The following PCSK1 variants were observed in gnomAD, a reference collection of about 807,000 sequenced individuals.
The protein encoded by PCSK1 is proprotein convertase subtilisin/kexin type 1.
Under a neutral mutation model 90.6 loss-of-function variants are expected in PCSK1, and 56 were observed. The observed-to-expected ratio is 0.62, with a 90% confidence interval of 0.50 to 0.77. PCSK1 has a LOEUF of 0.77. PCSK1 is among the 30% of genes least tolerant of loss of function. The probability of loss-of-function intolerance (pLI) is 0.00; values close to 1 mark genes in which losing one functional copy is unlikely to be tolerated. For missense variants in PCSK1, 801 were observed against 932.6 expected, an observed-to-expected ratio of 0.86 and a Z score of 1.84; for synonymous variants, 348 against 342.4, an observed-to-expected ratio of 1.02 and a Z score of -0.18.
rs2112455513 is a variant in PCSK1 at position 96,432,967 on chromosome 5, TTGCACTGTTCAGTG to T, written c.62_75del (p.Ala21GlufsTer9). 6.2e-7 allele frequency: 1 copy of T among 1,614,138 alleles called. No homozygotes were observed. Among genetic ancestry groups the T allele is most frequent in the South Asian group, 1.1e-5 (1 of 91,082 alleles). On this transcript the variant is annotated frameshift_variant, in exon 1 of 14. Coordinates refer to ENST00000311106, the MANE Select transcript of PCSK1 (RefSeq NM_000439.5). LOFTEE classifies it high-confidence loss of function. ...TCATTGACAAATTGCCTTTTCGCTTTTGCACTGTTCAGTGCACACCAAGCGCAAAAGAGGACGAA... is the reference window on the plus strand; with the variant it reads ...TCATTGACAAATTGCCTTTTCGCTTTCACACCAAGCGCAAAAGAGGACGAA...
intron 6 of PCSK1, among the ~76,000 whole-genome samples, chr5:96,412,757 T>TTTTTTTTTG (rs1554058744): frequency 6.4e-5 from 9 of 141,670 alleles, no homozygotes; most frequent in African/African-American, 2.6e-4. Flanking sequence ...GTGATGTTTT[T>TTTTTTTTTG]TTTTTTTTTT....
Position 96,400,199 on chromosome 5 carries a change from T to A in PCSK1, c.1197-13A>T, listed in dbSNP as rs759360173. On this transcript the variant is annotated splice_polypyrimidine_tract_variant and intron_variant, in intron 9 of 13. Coordinates refer to ENST00000311106, the MANE Select transcript of PCSK1 (RefSeq NM_000439.5). ...GGTGAGATTTGGGCTGGAGGGGAAG[T>A]GACCCAAAGTGTCTTTCAGAGAAAA... The A allele has an allele frequency of 1.3e-6, 2 of 1,568,862 alleles. No individual in the cohort carries two copies. The highest frequency in any genetic ancestry group is 3.3e-5 in the Admixed American group (2 of 59,952).
intron 1 of PCSK1, among the ~76,000 whole-genome samples, 184 bp from the exon 2 acceptor site, chr5:96,429,501 A>G (rs1008249192): frequency 1.1e-4 from 17 of 152,160 alleles, no homozygotes; most frequent in Admixed American, 9.8e-4. Flanking sequence ...GGTTTGTTAC[A>G]TAGGTAAACT....
intron 9 of PCSK1, among the ~76,000 whole-genome samples, chr5:96,406,507 T>C (rs1022721799): frequency 1.3e-5 from 2 of 152,188 alleles, no homozygotes; most frequent in African/African-American, 4.8e-5. Flanking sequence ...AGGTGGACTC[T>C]TGGTAAGAGC....
At position 96,412,306 on chromosome 5, in the gene PCSK1, A is replaced by G; in HGVS notation, c.882+12T>C. 1 of 1,611,582 alleles carries G rather than the reference A, an allele frequency of 6.2e-7. No individual in the cohort carries two copies. Among genetic ancestry groups the G allele is most frequent in the Non-Finnish European group, 8.5e-7 (1 of 1,177,638 alleles). On this transcript the variant is annotated intron_variant, in intron 7 of 13. Transcript: ENST00000311106. ...GGTTTCATTTCATGTGGGTCTGTGT[A>G]AAGCATCTTACCTGTTTGACACCAT...
chr5:96,428,153 A>C (rs1056096214), intron 2 of PCSK1, among the ~76,000 whole-genome samples: 3 of 152,152 alleles, frequency 2.0e-5, no homozygotes, highest in Non-Finnish European at 2.9e-5. Flanking sequence ...TCTTTTAAAA[A>C]TTCTATCAGT....
intron 9 of PCSK1, among the ~76,000 whole-genome samples, chr5:96,400,537 A>G (rs1408280537): frequency 6.6e-6 from 1 of 152,200 alleles, no homozygotes; most frequent in African/African-American, 2.4e-5. Context: ...CACTTTCTTT[A>G]TGCCCTCCAG....
intron 3 of PCSK1, among the ~76,000 whole-genome samples, chr5:96,424,208 A>T (rs527910451): frequency 5.3e-5 from 8 of 152,300 alleles, no homozygotes; most frequent in Admixed American, 2.6e-4. Flanking sequence ...ATAAATAACC[A>T]CAATCAAAAG....
Position 96,395,480 on chromosome 5 carries a change from A to G in PCSK1, c.1723-455T>C, listed in dbSNP as rs987972435. ...TGCAGCCATAAAAAAGAGTGAGTTC[A>G]TGTCCTCTGCAGGGACATGGATAAA... On this transcript the variant is annotated intron_variant, in intron 12 of 13. Coordinates refer to ENST00000311106, the MANE Select transcript of PCSK1 (RefSeq NM_000439.5). 7.2e-5 allele frequency among the ~76,000 whole-genome samples: 11 copies of G among 152,350 alleles called. No individual in the cohort carries two copies. The East Asian group carries it at 1.9e-3, about 27-fold the overall frequency.
At chr5:96,430,433 C>G (rs1761456387) in intron 1 of PCSK1, among the ~76,000 whole-genome samples, 1 of 152,176 alleles carries the variant, frequency 6.6e-6, no homozygotes, top group African/African-American at 2.4e-5. Flanking sequence ...TGCTCCAAGC[C>G]TGAATCTCAG....
intron 6 of PCSK1, among the ~76,000 whole-genome samples, chr5:96,413,377 T>C (rs1760834691): frequency 6.6e-6 from 1 of 152,220 alleles, no homozygotes; most frequent in African/African-American, 2.4e-5. Flanking sequence ...TATTTCTGGC[T>C]TCAGGCTCAT....
Position 96,390,606 on chromosome 5 carries a change from T to C in PCSK1, c.*2395A>G, listed in dbSNP as rs1759907813. On this transcript the variant is annotated 3_prime_UTR_variant, in exon 14 of 14. Transcript: ENST00000311106. ...CAAAAATATTTTATTGGGTGAAACT[T>C]TCTTATTCTCAGGAAAACTTTTGGT... 6.6e-6 allele frequency: 1 copy of C among 152,660 alleles called. No homozygotes were observed. Among genetic ancestry groups the C allele is most frequent in the African/African-American group, 2.4e-5 (1 of 41,472 alleles). 9.5% of individuals were successfully genotyped at this position (152,660 alleles called of 1,614,324 possible). A position where few individuals can be genotyped will look rare whatever the true frequency, so the allele number is the denominator to read the frequency against.
intron 9 of PCSK1, 138 bp from the exon 10 acceptor site, chr5:96,400,324 T>C: frequency 1.4e-6 from 1 of 693,748 alleles, no homozygotes; most frequent in Non-Finnish European, 2.6e-6. Flanking sequence ...CTAGTGTCTA[T>C]TACTGTTCAT....
chr5:96,397,405 C>T lies in PCSK1; in HGVS notation c.1653G>A (p.Trp551Ter). 3 of 1,611,490 alleles carry T rather than the reference C, an allele frequency of 1.9e-6. No homozygotes were observed. Among genetic ancestry groups the T allele is most frequent in the Non-Finnish European group, 8.5e-7 (1 of 1,177,636 alleles). ...CCCATGTGTGAACAGACATGAAGTCCCAATTCTTAAAGCCATTAGGAGATG... is the reference window on the plus strand; with the variant it reads ...CCCATGTGTGAACAGACATGAAGTCTCAATTCTTAAAGCCATTAGGAGATG... Reference protein sequence around the residue: ...RDTSPNGFKNWDFMSVHTWGE... With the variant: ...RDTSPNGFKN The change falls in exon 12 of 14, where the codon TGG (tryptophan) becomes TGA (stop). Residue 551 changes from tryptophan (W) to a stop codon, truncating the protein, a stop_gained. Coordinates refer to ENST00000311106, the MANE Select transcript of PCSK1 (RefSeq NM_000439.5). LOFTEE classifies it high-confidence loss of function.
chr5:96,392,139 A>T lies in PCSK1; in HGVS notation c.*862T>A, dbSNP rs959659164. ...TGGTTTCCTGTTACTGCTGAAAAAAATTGTGACTAGGAATTTGCCAAGTCC... is the reference window on the plus strand; with the variant it reads ...TGGTTTCCTGTTACTGCTGAAAAAATTTGTGACTAGGAATTTGCCAAGTCC... On this transcript the variant is annotated 3_prime_UTR_variant, in exon 14 of 14. Transcript: ENST00000311106. The T allele has an allele frequency of 1.3e-5, 2 of 151,926 alleles. No individual in the cohort carries two copies. The highest frequency in any genetic ancestry group is 4.8e-5 in the African/African-American group (2 of 41,368). 9.4% of individuals were successfully genotyped at this position (151,926 alleles called of 1,614,324 possible).
chr5:96,423,338 T>C lies in PCSK1; in HGVS notation c.518A>G (p.Asn173Ser). 1 of 1,612,586 alleles carries C rather than the reference T, an allele frequency of 6.2e-7. No individual in the cohort carries two copies. Among genetic ancestry groups the C allele is most frequent in the Non-Finnish European group, 8.5e-7 (1 of 1,179,248 alleles). The change falls in exon 4 of 14, where the codon AAT becomes AGT. Residue 173 changes from asparagine to serine, a missense_variant. By Grantham distance (46) the Asn-to-Ser change is conservative. Coordinates refer to ENST00000311106, the MANE Select transcript of PCSK1 (RefSeq NM_000439.5). ...ATAGTTGGCATAAATGTCCGTGTGA[T>C]TCCACTCCAAACCATCATCCAGTAC... ...ITVLDDGLEW[N>S]HTDIYANYDP...
Position 96,410,766 on chromosome 5 carries a change from C to A in PCSK1, c.1095+8G>T, listed in dbSNP as rs1306617326. 1 of 1,608,996 alleles carries A rather than the reference C, an allele frequency of 6.2e-7. No homozygotes were observed. Among genetic ancestry groups the A allele is most frequent in the Admixed American group, 1.7e-5 (1 of 60,000 alleles). ...CTAAGCAGAGAGAATTAGACAAAAG[C>A]AACATACGATTCTCTGGTCGGTGTA... On this transcript the variant is annotated splice_region_variant and intron_variant, in intron 8 of 13. Transcript: ENST00000311106.
At chr5:96,414,013 C>T (rs2112426173) in intron 6 of PCSK1, among the ~76,000 whole-genome samples, 1 of 147,156 alleles carries the variant, frequency 6.8e-6, no homozygotes, top group South Asian at 2.2e-4. Flanking sequence ...GTGGCGGGTT[C>T]CTGTAGTCCT....
chr5:96,401,521 TC>T (rs1189372943), intron 9 of PCSK1, among the ~76,000 whole-genome samples: 2 of 152,308 alleles, frequency 1.3e-5, no homozygotes, highest in Non-Finnish European at 2.9e-5. Flanking sequence ...AAATCATAAG[TC>T]TTAGTAAGAT....
Sources: allele counts gnomAD v4.1 joint callset (sites outside exome capture counted in the v4.1 genomes callset), GRCh38; gene constraint gnomAD v4.1.1; transcripts MANE v1.5; gene names NCBI Gene and HGNC (gene_info 2026-07-23, HGNC 2026-07-21).